Variants in PIAS1 observed in about 807,000 individuals in gnomAD.
The protein encoded by PIAS1 is protein inhibitor of activated STAT 1, also known as E3 SUMO-protein ligase PIAS1.
Under a neutral mutation model 71.3 loss-of-function variants are expected in PIAS1, and 6 were observed. The observed-to-expected ratio is 0.08, with a 90% CI of 0.05 to 0.17. PIAS1 has a LOEUF of 0.17. Ranked by LOEUF, PIAS1 falls within the 10% of genes least tolerant of loss-of-function variation. PIAS1 has a pLI of 1.00. For missense variants in PIAS1, 555 were observed against 793.6 expected (o/e 0.70, Z 3.61); for synonymous variants, 303 against 292.9 (o/e 1.03, Z -0.35).
chr15:68,106,767 T>C (rs1485765207), intron 2 of PIAS1, among the ~76,000 whole-genome samples: 1 of 152,232 alleles, frequency 6.6e-6, no homozygotes, highest in African/African-American at 2.4e-5. Flanking sequence ...GGGATTAGGC[T>C]CTAACGTCAG....
rs1277099675 is a variant in PIAS1, at chr15:68,185,702, A to G, written c.1663-1840A>G. 6.6e-6 allele frequency among the ~76,000 whole-genome samples: 1 copy of G among 152,186 alleles called. No homozygotes were observed. Among genetic ancestry groups the G allele is most frequent in the Non-Finnish European group, 1.5e-5 (1 of 68,032 alleles). On this transcript the variant is annotated intron_variant, in intron 13 of 13. Coordinates refer to ENST00000249636, the MANE Select transcript of PIAS1 (RefSeq NM_016166.3). The surrounding 1 kb of genome is among the most constrained non-coding windows in gnomAD (Gnocchi z 4.4). ...GCCCTGGCTGGGCGCTGTGGCTTACACCTATAATCCCAGCACTTTGGGAGG... is the reference window on the plus strand; with the variant it reads ...GCCCTGGCTGGGCGCTGTGGCTTACGCCTATAATCCCAGCACTTTGGGAGG...
At chr15:68,072,599 G>A (rs1277108125) in intron 1 of PIAS1, among the ~76,000 whole-genome samples, 4 of 151,994 alleles carry the variant, frequency 2.6e-5, no homozygotes, top group Non-Finnish European at 5.9e-5. Flanking sequence ...CCCTATTTCT[G>A]AACCATCTGA....
At chr15:68,077,767 C>T (rs752319464) in intron 1 of PIAS1, among the ~76,000 whole-genome samples, 2 of 152,156 alleles carry the variant, frequency 1.3e-5, no homozygotes, top group Non-Finnish European at 2.9e-5. Flanking sequence ...TTGGCATTTG[C>T]CTTTTGAGTC....
intron 5 of PIAS1, 61 bp from the exon 6 acceptor site, chr15:68,146,505 G>A (rs1325292792): frequency 7.4e-7 from 1 of 1,348,198 alleles, no homozygotes; most frequent in Non-Finnish European, 1.0e-6. Flanking sequence ...TTTTCTTAAG[G>A]AATGGAAGTC....
At chr15:68,125,436 C>G (rs2092643725) in intron 2 of PIAS1, among the ~76,000 whole-genome samples, 1 of 152,024 alleles carries the variant, frequency 6.6e-6, no homozygotes, top group African/African-American at 2.4e-5. Context: ...AGGCCCATGT[C>G]CTGTTCTTTC....
chr15:68,093,687 TGGG>T (rs2092351553), intron 2 of PIAS1, among the ~76,000 whole-genome samples: 1 of 152,314 alleles, frequency 6.6e-6, no homozygotes, highest in South Asian at 2.1e-4. Flanking sequence ...AGGGTTATAA[TGGG>T]GGGAAGGATT....
chr15:68,066,478 G>A (rs764533768), intron 1 of PIAS1, among the ~76,000 whole-genome samples: 19 of 152,154 alleles, frequency 1.2e-4, no homozygotes, highest in Non-Finnish European at 2.4e-4. Flanking sequence ...CTTAATATTA[G>A]CCAAGAACTT....
chr15:68,087,783 A>G (rs1320412667), intron 2 of PIAS1: 16 of 330,004 alleles, frequency 4.8e-5, no homozygotes, highest in Non-Finnish European at 8.1e-5. Context: ...AACATTTTGA[A>G]AATGTTTACT....
At position 68,086,514 on chromosome 15, in the gene PIAS1, C is replaced by G. The variant is rs2140982113; in HGVS notation, c.233C>G (p.Pro78Arg). The stretch of plus-strand genomic sequence containing the variant: ...ATGACGCCTGCAGACTTGTCCATCC[C>G]CAACGTACATTCAAGTCCTATGCCA... ...KIMTPADLSI[P>R]NVHSSPMPAT... The change falls in exon 2 of 14, where the codon CCC becomes CGC. Residue 78 changes from proline (P) to arginine (R), a missense_variant. Pro to Arg is a moderately radical substitution (Grantham distance 103, BLOSUM62 -2). Around this residue, in one of 5 missense-constraint regions of PIAS1, gnomAD observed 80 missense variants for 66.9 expected, o/e 1.20. Coordinates refer to ENST00000249636, the MANE Select transcript of PIAS1 (RefSeq NM_016166.3). This position sits in a 1 kb window ranked among gnomAD's most constrained non-coding sequence, Gnocchi z 7.2. 2 of 1,613,778 alleles carry G rather than the reference C, an allele frequency of 1.2e-6. No homozygotes were observed. The highest frequency in any genetic ancestry group is 1.7e-6 in the Non-Finnish European group (2 of 1,179,752).
chr15:68,055,492 G>C (rs1273991100), intron 1 of PIAS1, among the ~76,000 whole-genome samples: 1 of 152,036 alleles, frequency 6.6e-6, no homozygotes, highest in South Asian at 2.1e-4. Context: ...CAAGCAGTTG[G>C]GGGAGGGGGT....
chr15:68,155,460 A>AAAAAC (rs1567067534), intron 7 of PIAS1, among the ~76,000 whole-genome samples: 1 of 151,236 alleles, frequency 6.6e-6, no homozygotes, highest in Admixed American at 6.6e-5. Context: ...AAAAAAAAAA[A>AAAAAC]AAAAAAAAAA....
chr15:68,130,037 G>A (rs942727331), intron 2 of PIAS1, among the ~76,000 whole-genome samples: 5 of 151,972 alleles, frequency 3.3e-5, no homozygotes, highest in African/African-American at 1.2e-4. Flanking sequence ...AAAAAGATAT[G>A]TTCATTTTGA....
At chr15:68,092,768 A>G (rs1231750509) in intron 2 of PIAS1, among the ~76,000 whole-genome samples, 2 of 152,170 alleles carry the variant, frequency 1.3e-5, no homozygotes, top group Non-Finnish European at 2.9e-5. Context: ...GGTGCTGTCT[A>G]TGAGGAATAG....
rs1187036793 is a variant in PIAS1, at chr15:68,134,884, G to T, written c.470-7062G>T. On this transcript the variant is annotated intron_variant, in intron 2 of 13. Coordinates refer to ENST00000249636, the MANE Select transcript of PIAS1 (RefSeq NM_016166.3). The stretch of plus-strand genomic sequence containing the variant: ...CCCTCCCGGACGGGGCGGCTGGCCG[G>T]GCAGAGGGGCTCCCCACCTCCCAGC... Among the ~76,000 whole-genome samples the T allele has an allele frequency of 7.8e-5, 4 of 51,560 alleles. No individual in the cohort carries two copies. In the East Asian group the frequency reaches 1.9e-3, roughly 25 times the overall value. The allele number at this position is 51,560 out of a possible 152,430, so 33.8% of individuals were successfully genotyped here.
At chr15:68,056,898 T>C (rs1427530226) in intron 1 of PIAS1, among the ~76,000 whole-genome samples, 1 of 152,178 alleles carries the variant, frequency 6.6e-6, no homozygotes, top group Non-Finnish European at 1.5e-5. Context: ...CCTAATATGA[T>C]AGGAAAAATC....
chr15:68,177,056 G>C (rs2093024288), intron 11 of PIAS1, among the ~76,000 whole-genome samples: 1 of 152,068 alleles, frequency 6.6e-6, no homozygotes, highest in South Asian at 2.1e-4. Context: ...GAGGCAGGTG[G>C]ATTGTCCAAG....
At chr15:68,120,838 A>G (rs1356057519) in intron 2 of PIAS1, among the ~76,000 whole-genome samples, 1 of 152,124 alleles carries the variant, frequency 6.6e-6, no homozygotes, top group Non-Finnish European at 1.5e-5. Flanking sequence ...TATTTTTAGT[A>G]GAGACAACTT....
At chr15:68,176,420 A>G in intron 10 of PIAS1, 54 bp from the exon 11 acceptor site, 1 of 1,203,410 alleles carries the variant, frequency 8.3e-7, no homozygotes, top group Non-Finnish European at 1.1e-6. Flanking sequence ...ACACTGAGAA[A>G]AGAGAGATGT....
chr15:68,135,225 G>C (rs1370146445), intron 2 of PIAS1, among the ~76,000 whole-genome samples: 4 of 41,546 alleles, frequency 9.6e-5, no homozygotes, highest in South Asian at 5.1e-4. Flanking sequence ...GGAAGGGGTG[G>C]CTGGCCGGGC....
Sources: allele counts gnomAD v4.1 joint callset (sites outside exome capture counted in the v4.1 genomes callset), GRCh38; gene constraint gnomAD v4.1.1; regional missense constraint gnomAD v4.1.1; non-coding constraint Gnocchi (gnomAD v3.1); transcripts MANE v1.5; gene names NCBI Gene and HGNC (gene_info 2026-07-23, HGNC 2026-07-21).